Variants in FHDC1 observed in about 807,000 individuals in gnomAD.
The protein encoded by FHDC1 is FH2 domain-containing protein 1.
Under a neutral mutation model 52.6 loss-of-function variants are expected in FHDC1, and 25 were observed. That is an observed-to-expected ratio of 0.48 (90% CI 0.35 to 0.66). The LOEUF (loss-of-function observed/expected upper bound fraction) is 0.66, where lower values mean the gene tolerates loss of function less well. Ranked by LOEUF, FHDC1 falls within the 30% of genes least tolerant of loss-of-function variation. The pLI is 0.01. For missense variants in FHDC1, 1,459 were observed against 1,452.8 expected (o/e 1.00, Z -0.07); for synonymous variants, 616 against 581.5 (o/e 1.06, Z -0.85).
the FHDC1 span, among the ~76,000 whole-genome samples, chr4:152,924,588 C>G: frequency 6.6e-6 from 1 of 151,984 alleles, no homozygotes; most frequent in South Asian, 2.1e-4. Flanking sequence ...CTATTCACAA[C>G]AGCAAAGACT....
At chr4:152,921,058 CCATATAAAATTATTTCT>C in the FHDC1 span, among the ~76,000 whole-genome samples, 3 of 151,990 alleles carry the variant, frequency 2.0e-5, no homozygotes, top group Non-Finnish European at 2.9e-5. Context: ...CAGAAATCTA[CCATATAAAATTATTTCT>C]CATATAAAAT....
chr4:152,955,072 C>T (rs1740042788), intron 4 of FHDC1, among the ~76,000 whole-genome samples: 1 of 151,900 alleles, frequency 6.6e-6, no homozygotes, highest in African/African-American at 2.4e-5. Flanking sequence ...ATAGTATAAA[C>T]CCAGGTTATT....
At chr4:152,925,468 A>G in the FHDC1 span, among the ~76,000 whole-genome samples, 1 of 152,246 alleles carries the variant, frequency 6.6e-6, no homozygotes, top group Middle Eastern at 3.2e-3. Context: ...TCAGATAGCT[A>G]AATTTACATC....
At chr4:152,932,777 A>T (rs1488461685), upstream of FHDC1, among the ~76,000 whole-genome samples, 1 of 152,256 alleles carries the variant, frequency 6.6e-6, no homozygotes, top group Non-Finnish European at 1.5e-5. Context: ...TTAAGCGAAT[A>T]CTAAAAGTCT....
the FHDC1 span, among the ~76,000 whole-genome samples, chr4:152,926,067 G>A: frequency 2.0e-5 from 3 of 151,992 alleles, no homozygotes; most frequent in African/African-American, 7.2e-5. Flanking sequence ...TTTAAGGAAT[G>A]CCTGTTAGAA....
At chr4:152,916,479 T>C in the FHDC1 span, among the ~76,000 whole-genome samples, 7 of 152,012 alleles carry the variant, frequency 4.6e-5, no homozygotes, top group Admixed American at 2.0e-4. Context: ...AAAGTAAATA[T>C]GGCAAAATGT....
At chr4:152,974,495 C>CGT (rs1561215310) in intron 11 of FHDC1, among the ~76,000 whole-genome samples, 180 bp from the exon 12 acceptor site, 2 of 151,840 alleles carry the variant, frequency 1.3e-5, no homozygotes, top group African/African-American at 4.9e-5. Flanking sequence ...TACACACACA[C>CGT]ACATGCGTAC....
At chr4:152,935,595 G>C (rs1739340034), upstream of FHDC1, among the ~76,000 whole-genome samples, 1 of 152,062 alleles carries the variant, frequency 6.6e-6, no homozygotes. Context: ...CAACCTAAAG[G>C]TTTCTGTTAC....
In FHDC1 at chr4:152,975,933, G is replaced by T. The variant is rs867998095; in HGVS notation, c.2642G>T (p.Arg881Leu). Residue 881 changes from arginine (R) to leucine (L), a missense_variant, in exon 12 of 12, where the codon CGG becomes CTG. Physicochemically the swap from Arg to Leu is moderately radical, Grantham distance 102. This residue lies in a region of FHDC1 where 939 missense variants were observed against 854.5 expected (regional missense o/e 1.10). Transcript: ENST00000511601. Reference sequence around the variant, plus strand: ...GGGGCCTCCAAGCCCGGGAGCGCCCGGCGGAGCCAGGGGGCAGTGGCCAAG... The same window carrying T: ...GGGGCCTCCAAGCCCGGGAGCGCCCTGCGGAGCCAGGGGGCAGTGGCCAAG... Reference protein sequence around the residue: ...SPGASKPGSARRSQGAVAKSV... With the variant: ...SPGASKPGSALRSQGAVAKSV... 1.3e-6 allele frequency: 2 copies of T among 1,514,038 alleles called. No homozygotes were observed. The highest frequency in any genetic ancestry group is 1.8e-6 in the Non-Finnish European group (2 of 1,133,542). The allele number at this position is 1,514,038 out of a possible 1,614,324, so 93.8% of individuals were successfully genotyped here.
rs187820141 is a variant in FHDC1 at position 152,963,012 on chromosome 4, G to C, written c.922-11G>C. On this transcript the variant is annotated splice_polypyrimidine_tract_variant and intron_variant, in intron 7 of 11. Transcript: ENST00000511601. Reference sequence around the variant, plus strand: ...ATACATAATTTTTTCTTTTTGATTTGTCTTCTTTAGGGAGGGTATGCCGGC... The same window carrying C: ...ATACATAATTTTTTCTTTTTGATTTCTCTTCTTTAGGGAGGGTATGCCGGC... The C allele has an allele frequency of 5.6e-4, 898 of 1,607,446 alleles. 3 individuals are homozygous for C. In the African/African-American group the frequency reaches 0.011, roughly 19 times the overall value.
intron 10 of FHDC1, among the ~76,000 whole-genome samples, chr4:152,970,755 A>G (rs944589848): frequency 6.6e-6 from 1 of 152,178 alleles, no homozygotes; most frequent in Non-Finnish European, 1.5e-5. Flanking sequence ...TTTCCTACAT[A>G]GTTTTCGTTT....
chr4:152,913,522 T>G, the FHDC1 span, among the ~76,000 whole-genome samples: 3 of 152,224 alleles, frequency 2.0e-5, no homozygotes, highest in Non-Finnish European at 4.4e-5. Flanking sequence ...GAGTTGCTAG[T>G]CATTCAAGTA....
At chr4:152,915,929 T>C in the FHDC1 span, among the ~76,000 whole-genome samples, 16 of 152,152 alleles carry the variant, frequency 1.1e-4, no homozygotes, top group Non-Finnish European at 2.2e-4. Context: ...TTGGATATAA[T>C]GAGATATAAA....
Position 152,936,352 on chromosome 4 carries a change from A to C in FHDC1, c.-188A>C, listed in dbSNP as rs1739375853. The C allele has an allele frequency of 6.6e-6, 1 of 152,214 alleles. No homozygotes were observed. 9.4% of individuals were successfully genotyped at this position (152,214 alleles called of 1,614,324 possible). A position where few individuals can be genotyped will look rare whatever the true frequency, so the allele number is the denominator to read the frequency against. On this transcript the variant is annotated 5_prime_UTR_variant, in exon 1 of 12. Transcript: ENST00000511601. ...ACCGGGAGGAGGCGGCTACGCCGAC[A>C]CAACGGCGGGAGGCTGCAGCGGTCT... is the stretch of plus-strand genomic sequence containing the variant.
chr4:152,912,796 G>C, the FHDC1 span, among the ~76,000 whole-genome samples: 1 of 152,126 alleles, frequency 6.6e-6, no homozygotes, highest in African/African-American at 2.4e-5. Flanking sequence ...ATGCACTGAG[G>C]AACTGGTCTG....
At chr4:152,921,536 A>G in the FHDC1 span, among the ~76,000 whole-genome samples, 1 of 151,560 alleles carries the variant, frequency 6.6e-6, no homozygotes, top group Non-Finnish European at 1.5e-5. Flanking sequence ...ACAGTTAGAT[A>G]AATATTTTCT....
chr4:152,975,590 C>G lies in FHDC1; in HGVS notation c.2299C>G (p.Pro767Ala), dbSNP rs1740836403. Residue 767 changes from proline (P) to alanine (A), a missense_variant, in exon 12 of 12, where the codon CCT becomes GCT. Physicochemically the swap from Pro to Ala is conservative, Grantham distance 27. Coordinates refer to ENST00000511601, the MANE Select transcript of FHDC1 (RefSeq NM_001371116.1). ...TAGCAGCGACCCTGAGAACAAAGAT[C>G]CTAGACCTCTGTTCTGCATCTCGGA... is the stretch of plus-strand genomic sequence containing the variant. ...VGSSDPENKD[P>A]RPLFCISDTT... is the part of the protein sequence containing the mutation. 9 of 1,613,640 alleles carry G rather than the reference C, an allele frequency of 5.6e-6. No individual in the cohort carries two copies. Among genetic ancestry groups the G allele is most frequent in the Non-Finnish European group, 7.6e-6 (9 of 1,180,018 alleles).
At chr4:152,912,108 A>G in the FHDC1 span, 1 of 152,184 alleles carries the variant, frequency 6.6e-6, no homozygotes, top group Non-Finnish European at 1.5e-5. Context: ...TTTCAATAAC[A>G]GTTACTGTAG....
intron 1 of FHDC1, 124 bp from the exon 2 acceptor site, chr4:152,942,804 G>A (rs1268159556): frequency 6.8e-6 from 3 of 440,736 alleles, no homozygotes; most frequent in Non-Finnish European, 1.2e-5. Context: ...AACTTGGGAT[G>A]TGTTGCCCCT....
Sources: allele counts gnomAD v4.1 joint callset (sites outside exome capture counted in the v4.1 genomes callset), GRCh38; gene constraint gnomAD v4.1.1; regional missense constraint gnomAD v4.1.1; transcripts MANE v1.5; gene names NCBI Gene and HGNC (gene_info 2026-07-23, HGNC 2026-07-21).